The following RSPH1 variants were observed in gnomAD, a reference collection of about 807,000 sequenced individuals.
RSPH1 encodes the protein radial spoke head component 1.
A neutral mutation model predicts 44.2 loss-of-function variants in RSPH1; 32 were observed. That is an observed-to-expected ratio of 0.72 (90% CI 0.55 to 0.97). The LOEUF (loss-of-function observed/expected upper bound fraction) is 0.97. Ranked by LOEUF, RSPH1 falls within the 50% of genes least tolerant of loss-of-function variation. The probability of loss-of-function intolerance (pLI) is 0.00; values close to 1 mark genes in which losing one functional copy is unlikely to be tolerated. For missense variants in RSPH1, 391 were observed against 398.7 expected, an observed-to-expected ratio of 0.98 and a Z score of 0.16; for synonymous variants, 134 against 147.3, an observed-to-expected ratio of 0.91 and a Z score of 0.65.
Position 42,472,680 on chromosome 21 carries a change from T to C in RSPH1, c.*138A>G. On this transcript the variant is annotated 3_prime_UTR_variant, in exon 9 of 9. Transcript: ENST00000291536. ...GAGCAGTGGCGCGATCTCCACTCAC[T>C]GCAACTGCCACTTTCTGGACTCAAG... 1.6e-6 allele frequency: 1 copy of C among 642,206 alleles called. No homozygotes were observed. Among genetic ancestry groups the C allele is most frequent in the South Asian group, 2.1e-5 (1 of 47,320 alleles). The allele number at this position is 642,206 out of a possible 1,614,324, so 39.8% of individuals were successfully genotyped here.
chr21:42,494,943 G>C (rs1024898284), intron 1 of RSPH1, among the ~76,000 whole-genome samples: 10 of 152,116 alleles, frequency 6.6e-5, no homozygotes, highest in African/African-American at 2.4e-4. Context: ...CAGGCAATCT[G>C]CCCACCTCGG....
chr21:42,484,804 G>A (rs1480137882), intron 5 of RSPH1: 1 of 152,032 alleles, frequency 6.6e-6, no homozygotes, highest in African/African-American at 2.4e-5. Context: ...AGTTTGCTGG[G>A]AATTATATAA....
intron 8 of RSPH1, 137 bp downstream of exon 8, chr21:42,475,761 C>T: frequency 1.2e-6 from 1 of 845,110 alleles, no homozygotes; most frequent in East Asian, 2.7e-5. Context: ...AGTGAGCGCT[C>T]ACAGGGGGCC....
At chr21:42,476,774 T>G (rs1411757739) in intron 7 of RSPH1, among the ~76,000 whole-genome samples, 3 of 152,096 alleles carry the variant, frequency 2.0e-5, no homozygotes, top group African/African-American at 7.2e-5. Context: ...TCCGCCTCTG[T>G]CCAATCAACT....
chr21:42,480,807 A>G (rs1263544813), intron 6 of RSPH1, among the ~76,000 whole-genome samples: 1 of 152,106 alleles, frequency 6.6e-6, no homozygotes, highest in African/African-American at 2.4e-5. Flanking sequence ...CAGGTGCGGG[A>G]CAGGCCCTCA....
chr21:42,473,962 C>T (rs985412698), intron 8 of RSPH1, among the ~76,000 whole-genome samples: 3 of 152,194 alleles, frequency 2.0e-5, no homozygotes, highest in Admixed American at 6.5e-5. Context: ...GGTGCATGAA[C>T]CCACAGTCTC....
intron 6 of RSPH1, 61 bp downstream of exon 6, chr21:42,482,576 A>G: frequency 6.4e-6 from 8 of 1,247,670 alleles, no homozygotes; most frequent in Non-Finnish European, 9.3e-6. Context: ...TGCAGGATCA[A>G]TATTTTTGAG....
At chr21:42,476,419 C>G (rs527587591) in intron 7 of RSPH1, among the ~76,000 whole-genome samples, 133 of 152,246 alleles carry the variant, frequency 8.7e-4, no homozygotes, top group African/African-American at 3.1e-3. Context: ...GGGGCTGTCC[C>G]GGAGCTTCCC....
At chr21:42,486,163 A>G (rs572021545) in intron 4 of RSPH1, 12 of 585,886 alleles carry the variant, frequency 2.0e-5, no homozygotes, top group Admixed American at 8.8e-5. Context: ...CTCTGCCCCA[A>G]CTGAGGTGCA....
At chr21:42,488,907 C>T (rs564100096) in intron 3 of RSPH1, among the ~76,000 whole-genome samples, 2 of 152,296 alleles carry the variant, frequency 1.3e-5, no homozygotes, top group African/African-American at 4.8e-5. Context: ...CTTTCTACCC[C>T]AATCCTATAC....
chr21:42,482,609 A>G (rs775523008), intron 6 of RSPH1, 28 bp downstream of exon 6: 6 of 1,560,536 alleles, frequency 3.8e-6, no homozygotes, highest in African/African-American at 1.4e-5. Flanking sequence ...TGTTAATGTA[A>G]CAAAACCCTA....
intron 7 of RSPH1, 129 bp from the exon 8 acceptor site, chr21:42,476,176 C>G (rs181378838): frequency 1.1e-6 from 1 of 874,390 alleles, no homozygotes; most frequent in Admixed American, 2.5e-5. Flanking sequence ...ACCTCATGTT[C>G]CCCATCTCAA....
rs71332366 is a variant in RSPH1, at chr21:42,488,987, A to AGTTGGTTG, written c.275-2534_275-2527dup. ...ATATTTCTTCTCAGGAGTAACTCCC[A>AGTTGGTTG]GTTGGTTGGTTGGTTGGTTGGTTGG... On this transcript the variant is annotated intron_variant, in intron 3 of 8. Transcript: ENST00000291536. 1.0e-3 allele frequency among the ~76,000 whole-genome samples: 156 copies of AGTTGGTTG among 151,348 alleles called. 4 individuals carry two copies. The highest frequency in any genetic ancestry group is 1.3e-3 in the Admixed American group (19 of 15,166).
chr21:42,484,525 C>T (rs572528252), intron 5 of RSPH1, among the ~76,000 whole-genome samples: 1 of 152,332 alleles, frequency 6.6e-6, no homozygotes, highest in African/African-American at 2.4e-5. Flanking sequence ...AATGTGCTTA[C>T]ATGACACACA....
At position 42,476,060 on chromosome 21, in the gene RSPH1, A is replaced by G. The variant is rs1184185641; in HGVS notation, c.728-13T>C. The G allele has an allele frequency of 4.3e-6, 7 of 1,613,222 alleles. No homozygotes were observed. In the South Asian group the frequency reaches 7.7e-5, roughly 18 times the overall value. ...GGTTCTCCTGCACCTGAGATAAAAC[A>G]CAAGTCAGAAGCCTGAGTTCCTGGG... is the stretch of plus-strand genomic sequence containing the variant. On this transcript the variant is annotated splice_polypyrimidine_tract_variant and intron_variant, in intron 7 of 8. Coordinates refer to ENST00000291536, the MANE Select transcript of RSPH1 (RefSeq NM_080860.4).
At position 42,482,394 on chromosome 21, in the gene RSPH1, C is replaced by A. The variant is rs192637389; in HGVS notation, c.573+243G>T. On this transcript the variant is annotated intron_variant, in intron 6 of 8. Coordinates refer to ENST00000291536, the MANE Select transcript of RSPH1 (RefSeq NM_080860.4). ...CATTGTGCCCTGCCAGGATTAGTTT[C>A]TATCAACAAAAACGGTATCTATCAA... Among the ~76,000 whole-genome samples, 385 of 152,200 alleles carry A rather than the reference C, an allele frequency of 2.5e-3. 1 individual carries two copies. The highest frequency in any genetic ancestry group is 4.2e-3 in the Non-Finnish European group (285 of 67,988).
At chr21:42,495,064 G>A (rs1204074730) in intron 1 of RSPH1, among the ~76,000 whole-genome samples, 1 of 152,224 alleles carries the variant, frequency 6.6e-6, no homozygotes. Flanking sequence ...ACATGAAAGG[G>A]CAGGCAGCTA....
chr21:42,491,981 C>T (rs186417874), intron 3 of RSPH1, among the ~76,000 whole-genome samples: 2 of 152,348 alleles, frequency 1.3e-5, no homozygotes, highest in East Asian at 3.9e-4. Context: ...CCTATGCAAG[C>T]TCACACCTAT....
intron 6 of RSPH1, 148 bp from the exon 7 acceptor site, chr21:42,477,592 G>T: frequency 1.4e-6 from 1 of 737,020 alleles, no homozygotes; most frequent in South Asian, 1.7e-5. Flanking sequence ...AATCAGACCA[G>T]TTGCTGACTA....
Sources: allele counts gnomAD v4.1 joint callset (sites outside exome capture counted in the v4.1 genomes callset), GRCh38; gene constraint gnomAD v4.1.1; transcripts MANE v1.5; gene names NCBI Gene and HGNC (gene_info 2026-07-23, HGNC 2026-07-21).